Variants in C14orf39 observed in about 807,000 individuals in gnomAD.
C14orf39 encodes the protein protein SIX6OS1.
Under a neutral mutation model 85.6 loss-of-function variants are expected in C14orf39, and 66 were observed. That is an observed-to-expected ratio of 0.77 (90% CI 0.63 to 0.95). The LOEUF (loss-of-function observed/expected upper bound fraction) is 0.95, where lower values mean the gene tolerates loss of function less well. Ranked by LOEUF, C14orf39 falls within the 40% of genes least tolerant of loss-of-function variation. C14orf39 has a pLI of 0.00. For missense variants in C14orf39, 735 were observed against 663.9 expected (o/e 1.11, Z -1.18); for synonymous variants, 242 against 214.0 (o/e 1.13, Z -1.14).
At chr14:60,455,590 C>G (rs183539459) in intron 15 of C14orf39, among the ~76,000 whole-genome samples, 1 of 151,968 alleles carries the variant, frequency 6.6e-6, no homozygotes, top group African/African-American at 2.4e-5. Context: ...CCAGCCATTA[C>G]AGTGATGTAT....
chr14:60,458,832 T>C, intron 13 of C14orf39, 93 bp from the exon 14 acceptor site: 1 of 1,010,670 alleles, frequency 9.9e-7, no homozygotes, highest in Non-Finnish European at 1.5e-6. Flanking sequence ...AATATTTAGC[T>C]GTTTTAACCT....
intron 16 of C14orf39, among the ~76,000 whole-genome samples, chr14:60,450,677 AGCCAGGTAGTG>A (rs1334269811): frequency 6.6e-6 from 1 of 152,192 alleles, no homozygotes; most frequent in African/African-American, 2.4e-5. Flanking sequence ...CACAGCGGGT[AGCCAGGTAGTG>A]GTTACAGAAG....
chr14:60,511,129 G>T lies in C14orf39; in HGVS notation c.-144+4266C>A, dbSNP rs756162271. ...CACAGGGTTCCGGGCGGGCACTACG[G>T]GCGGAGGGCGACGGCACGCCAGAGG... On this transcript the variant is annotated intron_variant, in intron 1 of 5. Transcript: ENST00000556799. The T allele has an allele frequency of 1.2e-6, 2 of 1,612,724 alleles. No individual in the cohort carries two copies. Among genetic ancestry groups the T allele is most frequent in the African/African-American group, 2.7e-5 (2 of 74,924 alleles).
At chr14:60,454,623 G>A (rs532846457) in intron 16 of C14orf39, among the ~76,000 whole-genome samples, 1 of 152,078 alleles carries the variant, frequency 6.6e-6, no homozygotes, top group East Asian at 1.9e-4. Flanking sequence ...ATTAACCAGT[G>A]ATAATGCTAC....
chr14:60,451,548 G>A (rs1460919280), intron 16 of C14orf39, among the ~76,000 whole-genome samples: 2 of 152,076 alleles, frequency 1.3e-5, no homozygotes, highest in Admixed American at 1.3e-4. Context: ...GGACATGGAT[G>A]AAGCTGGAAA....
chr14:60,474,462 T>C (rs8008995), intron 5 of C14orf39, among the ~76,000 whole-genome samples: 18,055 of 30,646 alleles, frequency 0.59, 7,068 homozygotes, highest in Middle Eastern at 0.68. Context: ...TGAGAGAGGG[T>C]ATCCCTGTCT....
intron 15 of C14orf39, among the ~76,000 whole-genome samples, chr14:60,455,787 C>T (rs556297634): frequency 6.6e-6 from 1 of 152,142 alleles, no homozygotes; most frequent in East Asian, 1.9e-4. Flanking sequence ...TGTACCTACA[C>T]CTAATAAGGC....
intron 4 of C14orf39, among the ~76,000 whole-genome samples, chr14:60,483,068 T>C (rs1276777073): frequency 1.3e-5 from 2 of 152,146 alleles, no homozygotes; most frequent in African/African-American, 2.4e-5. Context: ...TTGGTATATG[T>C]TACTTTTATA....
chr14:60,507,260 C>G (rs1233078623), intron 1 of C14orf39, among the ~76,000 whole-genome samples: 1 of 152,196 alleles, frequency 6.6e-6, no homozygotes, highest in African/African-American at 2.4e-5. Flanking sequence ...TCCGGGATCG[C>G]AGCCCTCCCG....
intron 4 of C14orf39, among the ~76,000 whole-genome samples, chr14:60,481,708 A>T (rs1329793913): frequency 1.3e-5 from 2 of 152,202 alleles, no homozygotes; most frequent in Non-Finnish European, 2.9e-5. Context: ...TCTGACTATT[A>T]GCAAGATTGA....
chr14:60,453,517 T>C (rs1036635683), intron 16 of C14orf39, among the ~76,000 whole-genome samples: 3 of 151,856 alleles, frequency 2.0e-5, no homozygotes. Context: ...AATCTTTGTC[T>C]TTTAATGAGT....
At chr14:60,495,011 T>C (rs1893048448) in intron 2 of C14orf39, 2 of 176,414 alleles carry the variant, frequency 1.1e-5, no homozygotes, top group Non-Finnish European at 2.4e-5. Context: ...TGGTACAACA[T>C]GGCCACACTG....
At chr14:60,471,183 G>A (rs938583450) in intron 7 of C14orf39, among the ~76,000 whole-genome samples, 3 of 151,814 alleles carry the variant, frequency 2.0e-5, no homozygotes, top group Admixed American at 6.6e-5. Flanking sequence ...CCTAAGACAC[G>A]CCACTTAAAC....
chr14:60,485,876 G>A (rs1196404752), intron 1 of C14orf39, 69 bp downstream of exon 1: 3 of 147,962 alleles, frequency 2.0e-5, no homozygotes, highest in Middle Eastern at 3.2e-3. Flanking sequence ...TCCCACCCAC[G>A]CACACGCTCC....
chr14:60,466,609 T>C (rs935205823), intron 10 of C14orf39, among the ~76,000 whole-genome samples: 1 of 151,926 alleles, frequency 6.6e-6, no homozygotes, highest in African/African-American at 2.4e-5. Context: ...GTCACACATA[T>C]TGATAATCAA....
At chr14:60,471,781 G>A in intron 5 of C14orf39, 42 bp from the exon 6 acceptor site, 4 of 1,223,746 alleles carry the variant, frequency 3.3e-6, no homozygotes, top group Non-Finnish European at 4.5e-6. Context: ...AACAACAACA[G>A]ATCTAAAAAC....
At chr14:60,445,263 A>G (rs1478039601) in intron 16 of C14orf39, among the ~76,000 whole-genome samples, 1 of 152,222 alleles carries the variant, frequency 6.6e-6, no homozygotes, top group Non-Finnish European at 1.5e-5. Context: ...AAAAAGACAC[A>G]GACTGGAAAA....
intron 4 of C14orf39, 127 bp downstream of exon 4, chr14:60,483,564 C>T (rs1370454809): frequency 1.4e-6 from 1 of 735,484 alleles, no homozygotes; most frequent in Non-Finnish European, 2.1e-6. Context: ...AGTGGCATAA[C>T]AAGGCACATT....
chr14:60,459,865 T>C (rs1325349440), intron 13 of C14orf39, among the ~76,000 whole-genome samples: 1 of 151,818 alleles, frequency 6.6e-6, no homozygotes, highest in Non-Finnish European at 1.5e-5. Context: ...GAAACTACTC[T>C]ATTGAAAGTT....
Sources: gnomAD v4.1 joint callset for allele counts (sites outside exome capture counted in the v4.1 genomes callset) on GRCh38, gnomAD v4.1.1 for gene constraint, MANE v1.5 for transcripts, NCBI Gene and HGNC (gene_info 2026-07-23, HGNC 2026-07-21) for gene names.